FHOD3: variants seen among roughly 807,000 people sequenced by gnomAD.
FHOD3 encodes the protein formin homology 2 domain containing 3.
FHOD3 carries 90 observed loss-of-function variants against 173.0 expected under a neutral mutation model. That is an observed-to-expected ratio of 0.52 (90% CI 0.44 to 0.62). The LOEUF is 0.62. FHOD3 is among the 20% of genes least tolerant of loss of function. The pLI is 0.00. For synonymous variants in FHOD3, 828 were observed against 823.0 expected (o/e 1.01, Z -0.10); for missense variants, 1,945 against 2,034.7 (o/e 0.96, Z 0.85).
chr18:36,583,019 T>A (rs906272104), intron 6 of FHOD3, among the ~76,000 whole-genome samples: 7 of 152,230 alleles, frequency 4.6e-5, no homozygotes, highest in African/African-American at 1.7e-4. Context: ...CTTCTTTCTC[T>A]TATTAACTGT....
chr18:36,325,864 G>C (rs1404891978), intron 1 of FHOD3, among the ~76,000 whole-genome samples: 1 of 152,218 alleles, frequency 6.6e-6, no homozygotes, highest in Non-Finnish European at 1.5e-5. Flanking sequence ...GTAGAACCTA[G>C]ACCCAGTGGG....
chr18:36,444,605 G>A (rs932895022), intron 3 of FHOD3, among the ~76,000 whole-genome samples: 27 of 151,634 alleles, frequency 1.8e-4, no homozygotes, highest in African/African-American at 6.5e-4. Context: ...TCTCCTTTCT[G>A]GTTTATCATT....
chr18:36,375,824 G>C (rs1598886997), intron 3 of FHOD3, among the ~76,000 whole-genome samples: 1 of 152,180 alleles, frequency 6.6e-6, no homozygotes, highest in African/African-American at 2.4e-5. Context: ...GGTATAGAGA[G>C]AGGCCTCAAA....
intron 8 of FHOD3, among the ~76,000 whole-genome samples, chr18:36,609,978 G>A (rs913679000): frequency 2.6e-5 from 4 of 152,152 alleles, no homozygotes; most frequent in African/African-American, 4.8e-5. Flanking sequence ...TTTATGGTTG[G>A]ACTTGCTAAA....
At chr18:36,320,596 C>T (rs2044345610) in intron 1 of FHOD3, among the ~76,000 whole-genome samples, 1 of 152,148 alleles carries the variant, frequency 6.6e-6, no homozygotes, top group Admixed American at 6.5e-5. Flanking sequence ...CTATTCCAAG[C>T]AATAGAAAAA....
chr18:36,661,225 A>G (rs982296488), intron 14 of FHOD3, among the ~76,000 whole-genome samples: 1 of 152,028 alleles, frequency 6.6e-6, no homozygotes, highest in African/African-American at 2.4e-5. Flanking sequence ...AGACATTTTT[A>G]TATAGTTTGA....
chr18:36,701,437 A>G (rs1237852784), intron 17 of FHOD3, among the ~76,000 whole-genome samples: 1 of 152,180 alleles, frequency 6.6e-6, no homozygotes, highest in East Asian at 1.9e-4. Flanking sequence ...CCTGTATGAT[A>G]CTACAGTAGC....
At chr18:36,471,010 C>T (rs2053253255) in intron 3 of FHOD3, among the ~76,000 whole-genome samples, 1 of 152,214 alleles carries the variant, frequency 6.6e-6, no homozygotes, top group South Asian at 2.1e-4. Context: ...TCAGGGCTTT[C>T]ATTCCTGGCT....
chr18:36,321,126 C>A (rs1271318314), intron 1 of FHOD3, among the ~76,000 whole-genome samples: 1 of 149,944 alleles, frequency 6.7e-6, no homozygotes, highest in African/African-American at 2.5e-5. Flanking sequence ...GTCTTTCTTA[C>A]CTGCAGATAT....
At chr18:36,471,857 G>T (rs995901749) in intron 3 of FHOD3, among the ~76,000 whole-genome samples, 1 of 152,090 alleles carries the variant, frequency 6.6e-6, no homozygotes, top group Non-Finnish European at 1.5e-5. Flanking sequence ...TCCCGGGGAC[G>T]TTTCACATAA....
At chr18:36,309,100 G>T (rs1339553476) in intron 1 of FHOD3, among the ~76,000 whole-genome samples, 1 of 152,202 alleles carries the variant, frequency 6.6e-6, no homozygotes, top group Admixed American at 6.5e-5. Context: ...ATGCCTGGGG[G>T]CTCTCGTGGG....
At chr18:36,375,361 G>A (rs1231574829) in intron 3 of FHOD3, among the ~76,000 whole-genome samples, 2 of 152,172 alleles carry the variant, frequency 1.3e-5, no homozygotes, top group Non-Finnish European at 2.9e-5. Context: ...GGGGCACAGT[G>A]GCTGCTGTCT....
chr18:36,497,802 A>T (rs977313033), intron 3 of FHOD3, among the ~76,000 whole-genome samples: 1 of 152,194 alleles, frequency 6.6e-6, no homozygotes, highest in African/African-American at 2.4e-5. Flanking sequence ...GAACAAGTAA[A>T]TGGAAAGTCA....
At chr18:36,762,904 T>C (rs1466193282) in intron 27 of FHOD3, among the ~76,000 whole-genome samples, 1 of 147,926 alleles carries the variant, frequency 6.8e-6, no homozygotes, top group Non-Finnish European at 1.5e-5. Flanking sequence ...ATATGTGTAT[T>C]ATACACGTTA....
intron 4 of FHOD3, 58 bp downstream of exon 4, chr18:36,502,057 A>G (rs961404165): frequency 2.6e-6 from 3 of 1,171,082 alleles, no homozygotes; most frequent in African/African-American, 3.1e-5. Context: ...AATTAGATAC[A>G]GGCAAGCTTC....
Position 36,769,329 on chromosome 18 carries a change from T to C in FHOD3, c.4689T>C (p.Asp1563=). 1 of 1,609,396 alleles carries C rather than the reference T, an allele frequency of 6.2e-7. No homozygotes were observed. The highest frequency in any genetic ancestry group is 8.5e-7 in the Non-Finnish European group (1 of 1,175,958). Residue 1563 remains aspartate (D), a synonymous_variant, in exon 28 of 29, where the codon GAT becomes GAC. Coordinates refer to ENST00000590592, the MANE Select transcript of FHOD3 (RefSeq NM_001281740.3). The part of the protein sequence containing the change: ...DSPNVTDDAA[D]EIMDRIVKSA... ...CCAATGTCACAGATGATGCAGCTGA[T>C]GAGATCATGGACCGCATCGTCAAGT...
At chr18:36,702,234 T>C (rs1174594494) in intron 17 of FHOD3, among the ~76,000 whole-genome samples, 1 of 152,132 alleles carries the variant, frequency 6.6e-6, no homozygotes, top group African/African-American at 2.4e-5. Context: ...TGCTGAAGCC[T>C]CTAGTGAGTA....
chr18:36,458,744 G>A (rs1415648122), intron 3 of FHOD3, among the ~76,000 whole-genome samples: 4 of 144,940 alleles, frequency 2.8e-5, no homozygotes, highest in African/African-American at 7.7e-5. Context: ...TTGAACCATC[G>A]GGGTGACTTG....
intron 5 of FHOD3, among the ~76,000 whole-genome samples, chr18:36,547,435 A>G (rs1449399408): frequency 1.3e-5 from 2 of 152,126 alleles, no homozygotes; most frequent in Non-Finnish European, 2.9e-5. Context: ...AGGTTAAACC[A>G]TCTCATTTTA....
Sources: gnomAD v4.1 joint callset for allele counts (sites outside exome capture counted in the v4.1 genomes callset) on GRCh38, gnomAD v4.1.1 for gene constraint, MANE v1.5 for transcripts, NCBI Gene and HGNC (gene_info 2026-07-23, HGNC 2026-07-21) for gene names.